The following FRMPD4 variants were observed in gnomAD, a reference collection of about 807,000 sequenced individuals.
FRMPD4 encodes FERM and PDZ domain containing 4, also known as FERM and PDZ domain-containing protein 4.
Under a neutral mutation model 94.1 loss-of-function variants are expected in FRMPD4, and 22 were observed. That is an observed-to-expected ratio of 0.23 (90% confidence interval 0.17 to 0.33). The LOEUF (loss-of-function observed/expected upper bound fraction) is 0.33, where lower values mean the gene tolerates loss of function less well. FRMPD4 is among the 10% of genes least tolerant of loss of function. The pLI, the probability that FRMPD4 is intolerant of heterozygous loss-of-function variation, is 1.00. For missense variants in FRMPD4, 1,111 were observed against 1,339.9 expected (o/e 0.83, Z 2.67); for synonymous variants, 631 against 548.6 (o/e 1.15, Z -2.10).
chrX:12,675,441 AC>A (rs1344105625), intron 5 of FRMPD4, among the ~76,000 whole-genome samples: 1 of 101,756 alleles, frequency 9.8e-6, no homozygotes, highest in Non-Finnish European at 2.0e-5. Context: ...AAAAAAAAAA[AC>A]GACTTTATCA....
chrX:11,944,068 T>C (rs142597857), intron 3 of FRMPD4, among the ~76,000 whole-genome samples: 1,188 of 112,453 alleles, frequency 0.011, 3 homozygotes, highest in South Asian at 0.017. Context: ...GATACGGAAA[T>C]GAATGGGCAT....
intron 11 of FRMPD4, among the ~76,000 whole-genome samples, chrX:12,706,406 C>T (rs2041875618): frequency 8.9e-6 from 1 of 111,812 alleles, no homozygotes; most frequent in Non-Finnish European, 1.9e-5. Context: ...CCCACAAAGT[C>T]TGCATTCAGG....
intron 1 of FRMPD4, among the ~76,000 whole-genome samples, chrX:12,436,481 TTTC>T (rs1459445530): frequency 9.0e-6 from 1 of 111,517 alleles, no homozygotes; most frequent in African/African-American, 3.3e-5. Context: ...TACATTTCAT[TTTC>T]TTCTTCTTGC....
chrX:12,482,895 A>T (rs1190629504), intron 1 of FRMPD4, among the ~76,000 whole-genome samples: 5 of 112,106 alleles, frequency 4.5e-5, no homozygotes, highest in South Asian at 3.7e-4. Flanking sequence ...ACTACCTGTG[A>T]TGAGTGGCTA....
At chrX:12,429,275 G>A (rs936425248) in intron 1 of FRMPD4, among the ~76,000 whole-genome samples, 1 of 111,558 alleles carries the variant, frequency 9.0e-6, no homozygotes, top group East Asian at 2.8e-4. Context: ...TTTCTTCTAC[G>A]GCATCTCCAC....
At chrX:12,026,324 TC>T (rs2054660956) in intron 3 of FRMPD4, among the ~76,000 whole-genome samples, 1 of 111,876 alleles carries the variant, frequency 8.9e-6, no homozygotes, top group African/African-American at 3.2e-5. Context: ...ATCACTGAGG[TC>T]CTTTTTTAAG....
chrX:12,379,270 T>C (rs1199940504), intron 1 of FRMPD4, among the ~76,000 whole-genome samples: 1 of 112,075 alleles, frequency 8.9e-6, no homozygotes, highest in African/African-American at 3.2e-5. Context: ...GTGCAAGTAA[T>C]TGATGAATTT....
At chrX:12,419,009 T>C (rs1238594292) in intron 1 of FRMPD4, among the ~76,000 whole-genome samples, 2 of 112,061 alleles carry the variant, frequency 1.8e-5, no homozygotes, top group Non-Finnish European at 3.8e-5. Context: ...CCAAGGAGAC[T>C]TTATTCATTG....
chrX:12,355,708 G>A (rs924864407), intron 1 of FRMPD4, among the ~76,000 whole-genome samples: 3 of 111,746 alleles, frequency 2.7e-5, no homozygotes, highest in African/African-American at 6.5e-5. Context: ...TTGGAATGAG[G>A]TTTTAGTTTT....
upstream of FRMPD4, among the ~76,000 whole-genome samples, chrX:12,136,938 A>AC (rs2055605722): frequency 2.8e-5 from 3 of 107,064 alleles, no homozygotes; most frequent in South Asian, 8.8e-4. Context: ...CACACACACA[A>AC]AACATCTTTT....
intron 1 of FRMPD4, among the ~76,000 whole-genome samples, chrX:12,275,376 C>T (rs2054419868): frequency 9.0e-6 from 1 of 111,213 alleles, no homozygotes; most frequent in African/African-American, 3.3e-5. Context: ...GTACAGCCTA[C>T]AGAACCATGA....
chrX:12,156,541 C>G (rs943326713), intron 1 of FRMPD4, among the ~76,000 whole-genome samples: 1 of 111,735 alleles, frequency 8.9e-6, no homozygotes, highest in African/African-American at 3.3e-5. Flanking sequence ...GCTCAAAATG[C>G]TGAAGTTTTA....
chrX:12,439,681 C>T (rs766195834), intron 1 of FRMPD4, among the ~76,000 whole-genome samples: 1 of 111,963 alleles, frequency 8.9e-6, no homozygotes, highest in Non-Finnish European at 1.9e-5. Context: ...CAGCCTTATT[C>T]AAAGGCAAGG....
intron 2 of FRMPD4, among the ~76,000 whole-genome samples, chrX:12,516,309 T>C (rs996993325): frequency 8.9e-6 from 1 of 112,328 alleles, no homozygotes; most frequent in Non-Finnish European, 1.9e-5. Context: ...GTCTTTGTAC[T>C]TCAGTGTGTT....
intron 2 of FRMPD4, among the ~76,000 whole-genome samples, chrX:12,501,409 A>G (rs1269340802): frequency 9.3e-6 from 1 of 107,932 alleles, no homozygotes; most frequent in Non-Finnish European, 1.9e-5. Context: ...AATGAGTTTT[A>G]TAAATAATGA....
chrX:12,013,985 AT>A (rs2054593066), intron 3 of FRMPD4, among the ~76,000 whole-genome samples: 1 of 112,614 alleles, frequency 8.9e-6, no homozygotes, highest in South Asian at 3.7e-4. Context: ...CAAATCAGAC[AT>A]ATTATATAAC....
chrX:11,929,829 C>T (rs940277795), intron 3 of FRMPD4, among the ~76,000 whole-genome samples: 3 of 110,707 alleles, frequency 2.7e-5, no homozygotes, highest in Non-Finnish European at 3.8e-5. Context: ...CACCATCAGC[C>T]GGGTGCGGTG....
intron 2 of FRMPD4, among the ~76,000 whole-genome samples, chrX:11,872,888 G>A (rs979382160): frequency 8.9e-6 from 1 of 112,397 alleles, no homozygotes; most frequent in Non-Finnish European, 1.9e-5. Flanking sequence ...AATAACAAGT[G>A]TCTGTGAGGA....
chrX:12,336,093 T>C (rs1171889170), intron 1 of FRMPD4, among the ~76,000 whole-genome samples: 1 of 111,998 alleles, frequency 8.9e-6, no homozygotes, highest in Non-Finnish European at 1.9e-5. Context: ...AAGATTTTTT[T>C]TTTTTGGTCA....
Sources: gnomAD v4.1 joint callset for allele counts (sites outside exome capture counted in the v4.1 genomes callset) on GRCh38, gnomAD v4.1.1 for gene constraint, MANE v1.5 for transcripts, NCBI Gene and HGNC (gene_info 2026-07-23, HGNC 2026-07-21) for gene names.